KCNT2: variants seen among roughly 807,000 people sequenced by gnomAD.
The protein encoded by KCNT2 is potassium sodium-activated channel subfamily T member 2.
KCNT2 carries 67 observed loss-of-function variants against 153.8 expected under a neutral mutation model. That is an observed-to-expected ratio of 0.44 (90% confidence interval 0.36 to 0.53). The LOEUF is 0.53. Ranked by LOEUF, KCNT2 falls within the 20% of genes least tolerant of loss-of-function variation. The pLI is 0.00. For missense variants in KCNT2, 975 were observed against 1,354.8 expected (o/e 0.72, Z 4.40); for synonymous variants, 500 against 458.8 (o/e 1.09, Z -1.15).
rs371721041 is a variant in KCNT2 at position 196,479,134 on chromosome 1, C to T, written c.384+45G>A. On this transcript the variant is annotated intron_variant, in intron 5 of 27. Transcript: ENST00000294725. ...ATAGAGGAATACTGAGTAAATACTA[C>T]AGATGTGTTCTATCAGCGGGAAACT... 72 of 1,182,578 alleles carry T rather than the reference C, an allele frequency of 6.1e-5. No homozygotes were observed. The African/African-American group carries it at 8.5e-4, about 14-fold the overall frequency. The allele number at this position is 1,182,578 out of a possible 1,614,324, so 73.3% of individuals were successfully genotyped here.
In KCNT2 at chr1:196,565,733, G is replaced by T. The variant is rs575179832; in HGVS notation, c.95+42482C>A. ...AGCCAAACACAGAAAGACAAATATTGCATGATCTCATTTATTATAAGTGGA... is the reference window on the plus strand; with the variant it reads ...AGCCAAACACAGAAAGACAAATATTTCATGATCTCATTTATTATAAGTGGA... On this transcript the variant is annotated intron_variant, in intron 1 of 27. Coordinates refer to ENST00000294725, the MANE Select transcript of KCNT2 (RefSeq NM_198503.5). 5.3e-5 allele frequency among the ~76,000 whole-genome samples: 8 copies of T among 151,662 alleles called. No homozygotes were observed. In the South Asian group the frequency reaches 1.7e-3, roughly 32 times the overall value.
intron 17 of KCNT2, among the ~76,000 whole-genome samples, chr1:196,332,826 C>T (rs995008347): frequency 2.1e-4 from 31 of 151,030 alleles, no homozygotes; most frequent in Admixed American, 4.0e-4. Context: ...ACTCTGTCGC[C>T]CTGGCTGGAC....
At chr1:196,266,380 T>A (rs1203820250) in intron 25 of KCNT2, among the ~76,000 whole-genome samples, 3 of 152,146 alleles carry the variant, frequency 2.0e-5, no homozygotes, top group Non-Finnish European at 2.9e-5. Context: ...TTATCACATA[T>A]AAAATACAGG....
chr1:196,274,415 T>C (rs966852187), intron 25 of KCNT2, among the ~76,000 whole-genome samples: 1 of 151,644 alleles, frequency 6.6e-6, no homozygotes, highest in Non-Finnish European at 1.5e-5. Context: ...GTGGGTTTCT[T>C]GAAACTATTT....
chr1:196,336,076 A>C (rs1363509063), intron 16 of KCNT2, among the ~76,000 whole-genome samples: 1 of 152,106 alleles, frequency 6.6e-6, no homozygotes, highest in African/African-American at 2.4e-5. Flanking sequence ...ATCTATACCT[A>C]TGCAACTGAA....
intron 1 of KCNT2, among the ~76,000 whole-genome samples, chr1:196,515,722 A>T (rs1190590383): frequency 6.6e-6 from 1 of 152,206 alleles, no homozygotes; most frequent in African/African-American, 2.4e-5. Context: ...AGCACCTTGA[A>T]CTAAACATCC....
intron 1 of KCNT2, among the ~76,000 whole-genome samples, chr1:196,537,563 C>A (rs1171227230): frequency 6.6e-6 from 1 of 152,152 alleles, no homozygotes; most frequent in Non-Finnish European, 1.5e-5. Context: ...TGTCTCCCCA[C>A]GCCAGGAACC....
chr1:196,415,503 C>A (rs2148497036), intron 12 of KCNT2, among the ~76,000 whole-genome samples: 1 of 150,920 alleles, frequency 6.6e-6, no homozygotes, highest in East Asian at 1.9e-4. Context: ...ATTGTACTCA[C>A]CTATATATAA....
chr1:196,598,362 T>G (rs543871057), intron 1 of KCNT2, among the ~76,000 whole-genome samples: 1 of 152,270 alleles, frequency 6.6e-6, no homozygotes, highest in South Asian at 2.1e-4. Flanking sequence ...TATACCCCCA[T>G]ACACACACAA....
At chr1:196,546,067 T>G (rs1168954806) in intron 1 of KCNT2, among the ~76,000 whole-genome samples, 1 of 152,058 alleles carries the variant, frequency 6.6e-6, no homozygotes, top group Non-Finnish European at 1.5e-5. Context: ...AGTAAATCTA[T>G]GTATAACCTT....
chr1:196,368,984 TC>T (rs1019027534), intron 14 of KCNT2, among the ~76,000 whole-genome samples: 3 of 152,180 alleles, frequency 2.0e-5, no homozygotes, highest in Non-Finnish European at 4.4e-5. Context: ...TCCCCCTCTC[TC>T]TTTTCTACAC....
At chr1:196,476,101 G>A (rs963175868) in intron 5 of KCNT2, among the ~76,000 whole-genome samples, 3 of 152,104 alleles carry the variant, frequency 2.0e-5, no homozygotes, top group African/African-American at 7.2e-5. Context: ...AGTGCTAAGA[G>A]TTCTATTAGC....
intron 8 of KCNT2, among the ~76,000 whole-genome samples, chr1:196,461,778 A>G (rs889495317): frequency 6.6e-6 from 1 of 151,792 alleles, no homozygotes; most frequent in African/African-American, 2.4e-5. Flanking sequence ...CGAAAAAACA[A>G]TTCTGAGCAC....
intron 1 of KCNT2, among the ~76,000 whole-genome samples, chr1:196,538,670 T>C (rs1655935615): frequency 6.6e-6 from 1 of 152,196 alleles, no homozygotes; most frequent in Non-Finnish European, 1.5e-5. Context: ...TGTGGAGTTG[T>C]GTGCCTGCGC....
intron 19 of KCNT2, among the ~76,000 whole-genome samples, chr1:196,324,109 A>T (rs534489409): frequency 6.6e-6 from 1 of 152,066 alleles, no homozygotes; most frequent in South Asian, 2.1e-4. Context: ...CAGAAAGCTA[A>T]CAGATTTTAC....
At chr1:196,320,817 A>G (rs990001477) in intron 19 of KCNT2, among the ~76,000 whole-genome samples, 4 of 151,804 alleles carry the variant, frequency 2.6e-5, no homozygotes, top group Non-Finnish European at 5.9e-5. Context: ...ATAGTATTAC[A>G]TCTTACGAAT....
intron 1 of KCNT2, among the ~76,000 whole-genome samples, chr1:196,569,626 G>A (rs1373758475): frequency 6.6e-6 from 1 of 151,932 alleles, no homozygotes; most frequent in East Asian, 1.9e-4. Context: ...AGCTATTTAT[G>A]GCAAAACAGT....
chr1:196,284,244 A>T (rs1294878976), intron 23 of KCNT2, among the ~76,000 whole-genome samples: 8 of 15,542 alleles, frequency 5.1e-4, no homozygotes, highest in African/African-American at 1.6e-4. Flanking sequence ...AAAAAAAAAA[A>T]AAAAATATAT....
chr1:196,485,002 A>G (rs1311240487), intron 3 of KCNT2, among the ~76,000 whole-genome samples: 1 of 152,072 alleles, frequency 6.6e-6, no homozygotes, highest in Non-Finnish European at 1.5e-5. Flanking sequence ...GCACACTTAT[A>G]TTTATTGCAG....
Sources: gnomAD v4.1 joint callset for allele counts (sites outside exome capture counted in the v4.1 genomes callset) on GRCh38, gnomAD v4.1.1 for gene constraint, MANE v1.5 for transcripts, NCBI Gene and HGNC (gene_info 2026-07-23, HGNC 2026-07-21) for gene names.